ZNF177: variants seen among roughly 807,000 people sequenced by gnomAD.
The protein encoded by ZNF177 is zinc finger protein 177.
ZNF177 carries 17 observed loss-of-function variants against 19.4 expected under a neutral mutation model. The ratio of observed to expected loss-of-function variants is 0.87; its 90% CI spans 0.60 to 1.31. The LOEUF is 1.31. ZNF177 is among the 40% of genes most tolerant of loss of function. The pLI is 0.00. For synonymous variants in ZNF177, 220 were observed against 188.7 expected (o/e 1.17, Z -1.36); for missense variants, 633 against 561.8 (o/e 1.13, Z -1.28).
At chr19:9,369,481 T>G (rs1220988495) in intron 2 of ZNF177, among the ~76,000 whole-genome samples, 1 of 146,042 alleles carries the variant, frequency 6.8e-6, no homozygotes, top group African/African-American at 2.4e-5. Context: ...AATTTTTATG[T>G]GTTGTTGTGG....
chr19:9,381,373 G>T, exon 6 of ZNF177: 1 of 1,613,634 alleles, frequency 6.2e-7, no homozygotes, highest in Non-Finnish European at 8.5e-7. Context: ...ATGTGGGAAG[G>T]CTTTCACTGT....
chr19:9,372,281 A>G (rs2068055646), upstream of ZNF177, among the ~76,000 whole-genome samples: 1 of 152,210 alleles, frequency 6.6e-6, no homozygotes, highest in Non-Finnish European at 1.5e-5. Context: ...AAAAGAGAGC[A>G]CTTGTGTATA....
At chr19:9,380,727 G>C in exon 6 of ZNF177, 3 of 1,535,844 alleles carry the variant, frequency 2.0e-6, no homozygotes, top group Non-Finnish European at 2.6e-6. Context: ...AATTCAGAAA[G>C]AACACTCGCT....
At chr19:9,381,372 G>C in exon 6 of ZNF177, 1 of 1,612,974 alleles carries the variant, frequency 6.2e-7, no homozygotes, top group Non-Finnish European at 8.5e-7. Flanking sequence ...AATGTGGGAA[G>C]GCTTTCACTG....
intron 5 of ZNF177, chr19:9,380,442 A>T (rs1414543616): frequency 3.5e-6 from 3 of 851,964 alleles, no homozygotes; most frequent in Non-Finnish European, 5.3e-6. Context: ...AACTGTATTA[A>T]AGAAGCCCTT....
chr19:9,382,606 G>GGAATCGTTCAAGTATGGTTGAAAAATTGT (rs1410505310), downstream of ZNF177: 1 of 389,830 alleles, frequency 2.6e-6, no homozygotes, highest in Non-Finnish European at 4.5e-6. Flanking sequence ...TCAAGTTTTA[G>GGAATCGTTCAAGTATGGTTGAAAAATTGT]GAATCGTTCA....
upstream of ZNF177, among the ~76,000 whole-genome samples, chr19:9,375,938 T>C (rs535981475): frequency 6.6e-6 from 1 of 152,294 alleles, no homozygotes; most frequent in South Asian, 2.1e-4. Context: ...AGGTGTAACA[T>C]TAAGCTGGTA....
intron 2 of ZNF177, among the ~76,000 whole-genome samples, chr19:9,367,053 G>A (rs538252916): frequency 7.9e-5 from 12 of 152,344 alleles, no homozygotes; most frequent in African/African-American, 2.9e-4. Flanking sequence ...GGGCGTGGTG[G>A]CTCACGCCTG....
upstream of ZNF177, among the ~76,000 whole-genome samples, chr19:9,372,699 C>T (rs940862926): frequency 3.3e-5 from 5 of 151,828 alleles, no homozygotes; most frequent in African/African-American, 4.8e-5. Flanking sequence ...GCACCTGCCA[C>T]CACACCTGGC....
chr19:9,366,172 G>A (rs1314872029), intron 2 of ZNF177, among the ~76,000 whole-genome samples: 3 of 152,124 alleles, frequency 2.0e-5, no homozygotes, highest in East Asian at 1.9e-4. Flanking sequence ...TAGTAGAGAC[G>A]TTCTTTCACC....
chr19:9,379,835 AAT>A (rs1329962836), intron 4 of ZNF177, among the ~76,000 whole-genome samples: 9 of 6,378 alleles, frequency 1.4e-3, no homozygotes. Context: ...TTTGCCAGAT[AAT>A]ACTGTCTTAT....
At chr19:9,382,296 G>A, downstream of ZNF177, 1 of 398,624 alleles carries the variant, frequency 2.5e-6, no homozygotes, top group East Asian at 3.6e-5. Context: ...ACTGGATACA[G>A]CTGCTAAGGA....
chr19:9,374,529 ATTTG>A (rs1376174597), upstream of ZNF177, among the ~76,000 whole-genome samples: 6 of 152,212 alleles, frequency 3.9e-5, no homozygotes, highest in Admixed American at 2.0e-4. Flanking sequence ...GTGGCTTCCC[ATTTG>A]TTTGTGTCTT....
intron 4 of ZNF177, 184 bp downstream of exon 6, chr19:9,379,803 T>G (rs1416224315): frequency 1.2e-5 from 8 of 674,326 alleles, no homozygotes; most frequent in Non-Finnish European, 1.7e-5. Context: ...CCTCTTTAAA[T>G]GTAATGTCTC....
intron 2 of ZNF177, among the ~76,000 whole-genome samples, chr19:9,366,778 A>G (rs1160457617): frequency 6.6e-6 from 1 of 152,178 alleles, no homozygotes; most frequent in Non-Finnish European, 1.5e-5. Flanking sequence ...GCTGTTTGCC[A>G]ACGTGGCAGC....
intron 2 of ZNF177, among the ~76,000 whole-genome samples, chr19:9,366,288 T>G (rs1364996213): frequency 6.6e-6 from 1 of 151,954 alleles, no homozygotes; most frequent in South Asian, 2.1e-4. Flanking sequence ...GCCTCATTCC[T>G]TTTTTTAATG....
intron 2 of ZNF177, among the ~76,000 whole-genome samples, chr19:9,370,690 G>A (rs1342039543): frequency 6.6e-6 from 1 of 152,106 alleles, no homozygotes; most frequent in African/African-American, 2.4e-5. Context: ...CCAAAGTGCT[G>A]GGATTACTGG....
rs551119133 is a variant in ZNF177, at chr19:9,364,951, A to G, written c.-305+3A>G. ...CCAAGGATGGAGTGAAATACAGGGT[A>G]AGTGTCTTCCTAAGCAATAATTACT... is the stretch of plus-strand genomic sequence containing the variant. On this transcript the variant is annotated splice_donor_region_variant and intron_variant, in intron 2 of 8. Coordinates refer to the ZNF177 transcript ENST00000343499. The G allele has an allele frequency of 2.0e-4, 31 of 152,304 alleles. No individual in the cohort carries two copies. The highest frequency in any genetic ancestry group is 7.5e-4 in the African/African-American group (31 of 41,550). 9.4% of individuals were successfully genotyped at this position (152,304 alleles called of 1,614,324 possible). A position where few individuals can be genotyped will look rare whatever the true frequency, so the allele number is the denominator to read the frequency against.
chr19:9,373,832 G>A (rs979535253), upstream of ZNF177, among the ~76,000 whole-genome samples: 7 of 150,806 alleles, frequency 4.6e-5, no homozygotes, highest in African/African-American at 1.5e-4. Flanking sequence ...TTTAAATATT[G>A]TGCAGATTCT....
Sources: allele counts gnomAD v4.1 joint callset (sites outside exome capture counted in the v4.1 genomes callset), GRCh38; gene constraint gnomAD v4.1.1; transcripts MANE v1.5; gene names NCBI Gene and HGNC (gene_info 2026-07-23, HGNC 2026-07-21).